NKAIN2: variants seen among roughly 807,000 people sequenced by gnomAD.
NKAIN2 encodes the protein sodium/potassium transporting ATPase interacting 2, also known as sodium/potassium-transporting ATPase subunit beta-1-interacting protein 2.
NKAIN2 carries 14 observed loss-of-function variants against 32.6 expected under a neutral mutation model. That is an observed-to-expected ratio of 0.43 (90% CI 0.28 to 0.67). The LOEUF (loss-of-function observed/expected upper bound fraction) is 0.67, where lower values mean the gene tolerates loss of function less well. NKAIN2 is among the 30% of genes least tolerant of loss of function. NKAIN2 has a pLI of 0.17. For synonymous variants in NKAIN2, 80 were observed against 87.2 expected, an observed-to-expected ratio of 0.92 and a Z score of 0.46; for missense variants, 198 against 258.3, an observed-to-expected ratio of 0.77 and a Z score of 1.60.
At chr6:124,137,506 A>C (rs1305117275) in intron 1 of NKAIN2, among the ~76,000 whole-genome samples, 1 of 152,098 alleles carries the variant, frequency 6.6e-6, no homozygotes, top group Non-Finnish European at 1.5e-5. Flanking sequence ...CTAGGAAAAA[A>C]AACTATTCTA....
At chr6:123,882,746 A>G (rs1043049927) in intron 1 of NKAIN2, among the ~76,000 whole-genome samples, 4 of 152,232 alleles carry the variant, frequency 2.6e-5, no homozygotes, top group Non-Finnish European at 5.9e-5. Flanking sequence ...ATTAATTATG[A>G]TGATTTATTC....
intron 6 of NKAIN2, among the ~76,000 whole-genome samples, chr6:124,821,579 A>G (rs746130708): frequency 3.2e-4 from 49 of 152,298 alleles, no homozygotes; most frequent in African/African-American, 1.2e-3. Flanking sequence ...TTGCATAAGG[A>G]CAAAACTTAT....
chr6:124,520,607 A>G (rs1779084757), intron 3 of NKAIN2, among the ~76,000 whole-genome samples: 1 of 152,224 alleles, frequency 6.6e-6, no homozygotes. Flanking sequence ...GGCACATAAG[A>G]AAAGGAAACA....
chr6:124,809,532 A>G (rs1382291474), intron 5 of NKAIN2, among the ~76,000 whole-genome samples: 2 of 150,680 alleles, frequency 1.3e-5, no homozygotes, highest in Non-Finnish European at 3.0e-5. Flanking sequence ...TAAAAACCCT[A>G]GAAGAAAACC....
chr6:124,729,940 G>C (rs1776569794), intron 4 of NKAIN2, among the ~76,000 whole-genome samples: 2 of 149,614 alleles, frequency 1.3e-5, no homozygotes, highest in South Asian at 4.3e-4. Flanking sequence ...GCCAAATCAT[G>C]AGTGAACTCC....
At chr6:124,082,825 TAC>T (rs1201247886) in intron 1 of NKAIN2, among the ~76,000 whole-genome samples, 1 of 151,998 alleles carries the variant, frequency 6.6e-6, no homozygotes, top group East Asian at 1.9e-4. Flanking sequence ...TTGAGAAATT[TAC>T]ACACACAGAA....
chr6:124,574,226 G>A (rs114682747), intron 3 of NKAIN2, among the ~76,000 whole-genome samples: 3,122 of 152,138 alleles, frequency 0.021, 117 homozygotes, highest in African/African-American at 0.073. Context: ...GGATGCCAAT[G>A]CTATATGAGA....
At chr6:124,409,362 C>T (rs540034381) in intron 3 of NKAIN2, among the ~76,000 whole-genome samples, 14 of 152,142 alleles carry the variant, frequency 9.2e-5, no homozygotes, top group African/African-American at 2.9e-4. Flanking sequence ...TTTTGAGATA[C>T]GTCCCATCAA....
At chr6:124,576,212 G>T (rs1276786091) in intron 3 of NKAIN2, among the ~76,000 whole-genome samples, 1 of 152,178 alleles carries the variant, frequency 6.6e-6, no homozygotes, top group Non-Finnish European at 1.5e-5. Flanking sequence ...AAGTATGATG[G>T]TTGTCTGTAA....
intron 1 of NKAIN2, among the ~76,000 whole-genome samples, chr6:124,071,205 A>C (rs987967624): frequency 6.6e-6 from 1 of 152,186 alleles, no homozygotes. Flanking sequence ...AAAATAAGCC[A>C]TGGGGAAAGG....
intron 1 of NKAIN2, among the ~76,000 whole-genome samples, chr6:123,811,457 G>A (rs1301454348): frequency 6.6e-6 from 1 of 152,170 alleles, no homozygotes; most frequent in Non-Finnish European, 1.5e-5. Flanking sequence ...GAGAAAGAGA[G>A]AGAGAGAGAC....
chr6:124,421,450 T>A (rs1774745451), intron 3 of NKAIN2, among the ~76,000 whole-genome samples: 1 of 147,332 alleles, frequency 6.8e-6, no homozygotes, highest in Non-Finnish European at 1.5e-5. Context: ...TTGGATACCA[T>A]CCACGCACAG....
intron 3 of NKAIN2, among the ~76,000 whole-genome samples, chr6:124,595,014 G>T (rs72973894): frequency 6.6e-6 from 1 of 152,150 alleles, no homozygotes; most frequent in East Asian, 1.9e-4. Flanking sequence ...AGAGACAGAG[G>T]AAAAGAGGTT....
rs74440228 is a variant in NKAIN2, at chr6:124,540,057, A to C, written c.274-118129A>C. Among the ~76,000 whole-genome samples the C allele has an allele frequency of 2.0e-5, 3 of 152,364 alleles. No homozygotes were observed. The East Asian group carries it at 5.8e-4, about 29-fold the overall frequency. Reference sequence around the variant, plus strand: ...TAAACACCAAAGTTTTAAAATATTTATGCATTAAATATGCTTAGTGTCTTC... The same window carrying C: ...TAAACACCAAAGTTTTAAAATATTTCTGCATTAAATATGCTTAGTGTCTTC... On this transcript the variant is annotated intron_variant, in intron 3 of 6. Coordinates refer to ENST00000368417, the MANE Select transcript of NKAIN2 (RefSeq NM_001040214.3).
intron 4 of NKAIN2, among the ~76,000 whole-genome samples, chr6:124,670,643 TTCTGTGTGTG>T (rs1425261584): frequency 6.8e-5 from 7 of 102,266 alleles, no homozygotes; most frequent in South Asian, 2.8e-4. Flanking sequence ...AATCTTTGCT[TTCTGTGTGTG>T]TGTGTGTGTG....
chr6:124,685,373 T>A (rs1773819484), intron 4 of NKAIN2, among the ~76,000 whole-genome samples: 1 of 152,190 alleles, frequency 6.6e-6, no homozygotes, highest in African/African-American at 2.4e-5. Flanking sequence ...TTGCTTAATG[T>A]AGTGGTTTCT....
intron 3 of NKAIN2, among the ~76,000 whole-genome samples, chr6:124,433,069 G>T (rs1448467798): frequency 1.3e-5 from 2 of 152,148 alleles, no homozygotes; most frequent in African/African-American, 4.8e-5. Context: ...CAAACTGGCA[G>T]GTTATGGTAA....
intron 1 of NKAIN2, among the ~76,000 whole-genome samples, chr6:123,939,990 T>A (rs1186319524): frequency 6.6e-6 from 1 of 152,012 alleles, no homozygotes. Flanking sequence ...AGTTTCTTTG[T>A]GTTTTCTGGT....
intron 1 of NKAIN2, among the ~76,000 whole-genome samples, chr6:123,867,817 A>G (rs1052318145): frequency 1.1e-4 from 16 of 149,436 alleles, no homozygotes; most frequent in African/African-American, 3.7e-4. Context: ...GAAAGCTTTT[A>G]TGATATTTGA....
Sources: gnomAD v4.1 joint callset for allele counts (sites outside exome capture counted in the v4.1 genomes callset) on GRCh38, gnomAD v4.1.1 for gene constraint, MANE v1.5 for transcripts, NCBI Gene and HGNC (gene_info 2026-07-23, HGNC 2026-07-21) for gene names.